CLTB: variants seen among roughly 807,000 people sequenced by gnomAD.
CLTB encodes clathrin light chain B, also known as clathrin, light chain (Lcb).
Under a neutral mutation model 30.5 loss-of-function variants are expected in CLTB, and 10 were observed. The ratio of observed to expected loss-of-function variants is 0.33; its 90% CI spans 0.20 to 0.56. The LOEUF (loss-of-function observed/expected upper bound fraction) is 0.56. Among genes scored for constraint, CLTB ranks in the 20% least tolerant of loss-of-function variants. CLTB has a pLI of 0.91. For synonymous variants in CLTB, 102 were observed against 120.3 expected (o/e 0.85, Z 1.00); for missense variants, 261 against 308.3 (o/e 0.85, Z 1.15).
At chr5:176,394,042 G>A (rs1756377950) in intron 5 of CLTB, among the ~76,000 whole-genome samples, 1 of 152,202 alleles carries the variant, frequency 6.6e-6, no homozygotes, top group South Asian at 2.1e-4. Flanking sequence ...GATGCTGGCT[G>A]TATGCTCATT....
Position 176,398,054 on chromosome 5 carries a change from C to T in CLTB, c.235-7G>A. On this transcript the variant is annotated splice_region_variant and splice_polypyrimidine_tract_variant and intron_variant, in intron 2 of 5. Transcript: ENST00000310418. ...CAGCAGGACCGTTGGCCTCCTAGAA[C>T]ACAAACACGCAGCAGTCTATCCAGC... 6.2e-7 allele frequency: 1 copy of T among 1,612,510 alleles called. No homozygotes were observed. The highest frequency in any genetic ancestry group is 8.5e-7 in the Non-Finnish European group (1 of 1,178,886).
At chr5:176,405,809 C>T (rs1034602857) in intron 2 of CLTB, 20 of 152,086 alleles carry the variant, frequency 1.3e-4, no homozygotes, top group African/African-American at 4.3e-4. Flanking sequence ...CCCTGGGCAG[C>T]TTGGCTTTCA....
At chr5:176,409,074 T>C (rs1757287293) in intron 2 of CLTB, among the ~76,000 whole-genome samples, 1 of 152,164 alleles carries the variant, frequency 6.6e-6, no homozygotes, top group South Asian at 2.1e-4. Context: ...ACTCCCGGAT[T>C]CAAGCTATTC....
At position 176,393,546 on chromosome 5, in the gene CLTB, C is replaced by T. The variant is rs1756352696; in HGVS notation, c.519-601G>A. On this transcript the variant is annotated intron_variant, in intron 5 of 5. Coordinates refer to ENST00000310418, the MANE Select transcript of CLTB (RefSeq NM_007097.5). The surrounding 1 kb of genome is among the most constrained non-coding windows in gnomAD (Gnocchi z 4.4). ...TTCAAAGCCTTTCATGTGCTGTGTG[C>T]GTCGTGACCCTCCAAGGTGTGTATG... Among the ~76,000 whole-genome samples, 1 of 152,184 alleles carries T rather than the reference C, an allele frequency of 6.6e-6. No homozygotes were observed. Among genetic ancestry groups the T allele is most frequent in the Non-Finnish European group, 1.5e-5 (1 of 68,038 alleles).
chr5:176,407,311 T>C (rs111256990), intron 2 of CLTB, among the ~76,000 whole-genome samples: 2,054 of 152,258 alleles, frequency 0.013, 39 homozygotes, highest in African/African-American at 0.047. Flanking sequence ...GTGTTCTAGG[T>C]ACTTTCTTTT....
At chr5:176,400,734 C>T (rs1196146906) in intron 2 of CLTB, among the ~76,000 whole-genome samples, 1 of 152,220 alleles carries the variant, frequency 6.6e-6, no homozygotes, top group Non-Finnish European at 1.5e-5. Flanking sequence ...TCAAAACTTC[C>T]ATGACTGCCC....
At chr5:176,406,271 C>T in intron 2 of CLTB, 3 of 1,040,374 alleles carry the variant, frequency 2.9e-6, no homozygotes, top group Non-Finnish European at 3.5e-6. Flanking sequence ...GAGAAAGGGG[C>T]AGGAATGGCC....
At chr5:176,405,065 G>A (rs1047368983) in intron 2 of CLTB, among the ~76,000 whole-genome samples, 6 of 152,208 alleles carry the variant, frequency 3.9e-5, no homozygotes, top group Admixed American at 6.5e-5. Flanking sequence ...GATCAAGCAC[G>A]TAAAGCCCTT....
intron 5 of CLTB, among the ~76,000 whole-genome samples, chr5:176,394,097 T>C (rs1445297679): frequency 6.6e-6 from 1 of 152,154 alleles, no homozygotes; most frequent in Admixed American, 6.5e-5. Context: ...CTACCAACTA[T>C]TTCACTGGAC....
chr5:176,392,914 T>C lies in CLTB; in HGVS notation c.550A>G (p.Lys184Glu). ...CACTCTGTGCCTGGGGTCTCCTCCT[T>C]GGATTCCTTCACGAAAGCCTCCTCG... ...ASEEAFVKESKEETPGTEWEK... is the reference protein window; with the variant it reads ...ASEEAFVKESEEETPGTEWEK... The change falls in exon 6 of 6, where the codon AAG becomes GAG. Residue 184 changes from lysine to glutamate, a missense_variant. Physicochemically the swap from Lys to Glu is moderately conservative, Grantham distance 56 (BLOSUM62 1). Coordinates refer to ENST00000310418, the MANE Select transcript of CLTB (RefSeq NM_007097.5). This position sits in a 1 kb window ranked among gnomAD's most constrained non-coding sequence, Gnocchi z 5.2. 1 of 1,614,156 alleles carries C rather than the reference T, an allele frequency of 6.2e-7. No homozygotes were observed. The highest frequency in any genetic ancestry group is 8.5e-7 in the Non-Finnish European group (1 of 1,179,990).
At chr5:176,398,625 T>C (rs1223799609) in intron 2 of CLTB, among the ~76,000 whole-genome samples, 2 of 151,736 alleles carry the variant, frequency 1.3e-5, no homozygotes, top group East Asian at 2.0e-4. Flanking sequence ...GGCAGGAGAA[T>C]CACTTGAACC....
At chr5:176,398,077 A>G in intron 2 of CLTB, 30 bp from the exon 3 acceptor site, 1 of 1,597,178 alleles carries the variant, frequency 6.3e-7, no homozygotes, top group Non-Finnish European at 8.6e-7. Context: ...CAGTCTATCC[A>G]GCCAGCACAC....
chr5:176,415,728 G>T (rs888123302), intron 1 of CLTB, among the ~76,000 whole-genome samples: 1 of 152,204 alleles, frequency 6.6e-6, no homozygotes, highest in South Asian at 2.1e-4. Context: ...ACCGGGGAAG[G>T]TTAGTGAGTT....
intron 5 of CLTB, among the ~76,000 whole-genome samples, chr5:176,394,260 T>C (rs1021748503): frequency 6.6e-6 from 1 of 152,194 alleles, no homozygotes; most frequent in Non-Finnish European, 1.5e-5. Context: ...GCGTCCATGG[T>C]CCAATGGCAT....
chr5:176,413,712 G>A (rs1206981060), intron 1 of CLTB, among the ~76,000 whole-genome samples: 2 of 152,192 alleles, frequency 1.3e-5, no homozygotes, highest in African/African-American at 2.4e-5. Context: ...CACATCCCTG[G>A]TCAGGGGAAG....
rs556594175 is a variant in CLTB at position 176,395,603 on chromosome 5, C to A, written c.518+876G>T. ...CCACCACCCTCCAGGATGTCTCTAC[C>A]AACTAACTGACGTCGGCACGAGATA... On this transcript the variant is annotated intron_variant, in intron 5 of 5. Coordinates refer to ENST00000310418, the MANE Select transcript of CLTB (RefSeq NM_007097.5). 3.9e-5 allele frequency among the ~76,000 whole-genome samples: 6 copies of A among 152,276 alleles called. No individual in the cohort carries two copies. In the South Asian group the frequency reaches 8.3e-4, roughly 21 times the overall value.
chr5:176,415,285 G>C (rs1209579918), intron 1 of CLTB, among the ~76,000 whole-genome samples: 1 of 152,214 alleles, frequency 6.6e-6, no homozygotes, highest in Non-Finnish European at 1.5e-5. Flanking sequence ...TACCGCATCT[G>C]ACTGATGCCT....
chr5:176,407,795 AGCT>A (rs1440305441), intron 2 of CLTB, among the ~76,000 whole-genome samples: 2 of 152,220 alleles, frequency 1.3e-5, no homozygotes, highest in Non-Finnish European at 2.9e-5. Flanking sequence ...CTAGACATGA[AGCT>A]GCTGAAGTCC....
intron 2 of CLTB, among the ~76,000 whole-genome samples, chr5:176,400,725 C>A (rs1244604078): frequency 6.6e-6 from 1 of 152,202 alleles, no homozygotes; most frequent in African/African-American, 2.4e-5. Context: ...AAGCACTTAT[C>A]AAAACTTCCA....
Sources: gnomAD v4.1 joint callset for allele counts (sites outside exome capture counted in the v4.1 genomes callset) on GRCh38, gnomAD v4.1.1 for gene constraint, Gnocchi (gnomAD v3.1) non-coding constraint, MANE v1.5 for transcripts, NCBI Gene and HGNC (gene_info 2026-07-23, HGNC 2026-07-21) for gene names.